The following RGS22 variants were observed in gnomAD, a reference collection of about 807,000 sequenced individuals.
RGS22 encodes the protein regulator of G protein signaling 22, also known as regulator of G-protein signaling 22.
In RGS22, 148 loss-of-function variants were observed where a neutral mutation model predicts 172.9. The ratio of observed to expected loss-of-function variants is 0.86; its 90% confidence interval spans 0.75 to 0.98. The LOEUF (loss-of-function observed/expected upper bound fraction) is 0.98. Ranked by LOEUF, RGS22 falls within the 50% of genes least tolerant of loss-of-function variation. The probability of loss-of-function intolerance (pLI) is 0.00; values close to 1 mark genes in which losing one functional copy is unlikely to be tolerated. For missense variants in RGS22, 1,347 were observed against 1,440.8 expected (o/e 0.93, Z 1.05); for synonymous variants, 458 against 480.2 (o/e 0.95, Z 0.60).
chr8:99,962,885 C>T lies in RGS22; in HGVS notation c.3709G>A (p.Gly1237Ser), dbSNP rs768733615. 1 of 1,593,514 alleles carries T rather than the reference C, an allele frequency of 6.3e-7. No homozygotes were observed. The highest frequency in any genetic ancestry group is 8.5e-7 in the Non-Finnish European group (1 of 1,175,102). The change falls in exon 25 of 28, where the codon GGC becomes AGC. Residue 1237 changes from glycine (G) to serine (S), a missense_variant and splice_region_variant. Transcript: ENST00000360863. ...QEELEKKLFA[G>S]LQPLTNFKAS... ...CTTGTAGGCAGAAGGCAAAAATTAC[C>T]TGCAAACAACTTTTTTTCTAGTTCT...
chr8:100,053,050 T>C, intron 9 of RGS22, 74 bp from the exon 10 acceptor site: 2 of 1,317,512 alleles, frequency 1.5e-6, no homozygotes, highest in East Asian at 2.3e-5. Flanking sequence ...ACAAAATACA[T>C]AATAGCTGTG....
chr8:100,051,423 CATTTATAT>C (rs1821274896), intron 10 of RGS22, among the ~76,000 whole-genome samples: 1 of 109,888 alleles, frequency 9.1e-6, no homozygotes, highest in Admixed American at 1.2e-4. Context: ...TATATATATA[CATTTATAT>C]ATTTATATAT....
At chr8:100,025,881 T>C (rs1032081641) in intron 14 of RGS22, among the ~76,000 whole-genome samples, 1 of 152,214 alleles carries the variant, frequency 6.6e-6, no homozygotes, top group Non-Finnish European at 1.5e-5. Context: ...AACTGGTTTT[T>C]TCTCTCTCAA....
chr8:100,042,087 A>C, intron 11 of RGS22, 171 bp from the exon 12 acceptor site: 1 of 489,566 alleles, frequency 2.0e-6, no homozygotes, highest in Non-Finnish European at 3.7e-6. Flanking sequence ...GGTGGTTCAG[A>C]AAATGAGTCA....
chr8:100,058,715 C>T (rs912138585), intron 9 of RGS22, among the ~76,000 whole-genome samples: 3 of 152,090 alleles, frequency 2.0e-5, no homozygotes, highest in African/African-American at 7.2e-5. Context: ...GGGATTTCAT[C>T]AACACAAGAC....
intron 4 of RGS22, among the ~76,000 whole-genome samples, chr8:100,076,240 T>TC (rs1275428800): frequency 9.9e-5 from 15 of 152,216 alleles, no homozygotes; most frequent in Non-Finnish European, 2.2e-4. Context: ...TATCTTTTTT[T>TC]CCTTGTGCAT....
chr8:100,001,526 G>A (rs750576084), intron 18 of RGS22, among the ~76,000 whole-genome samples: 4 of 151,890 alleles, frequency 2.6e-5, no homozygotes, highest in Admixed American at 6.6e-5. Flanking sequence ...AAGCCACCAC[G>A]CCCAGCCCAA....
chr8:99,961,920 T>G (rs1210111973), intron 27 of RGS22, among the ~76,000 whole-genome samples: 1 of 152,184 alleles, frequency 6.6e-6, no homozygotes, highest in Non-Finnish European at 1.5e-5. Flanking sequence ...ACTGGGTTCT[T>G]CAAGTATTAG....
chr8:100,020,260 C>T (rs1266299537), intron 14 of RGS22, among the ~76,000 whole-genome samples: 1 of 152,110 alleles, frequency 6.6e-6, no homozygotes, highest in East Asian at 1.9e-4. Flanking sequence ...TAGCAAAGAC[C>T]TAGCCAGCCG....
intron 1 of RGS22, chr8:100,105,678 C>T (rs952087258): frequency 3.5e-6 from 2 of 569,534 alleles, no homozygotes; most frequent in Non-Finnish European, 6.2e-6. Context: ...ATTCTACGTA[C>T]AATATGCAGA....
chr8:100,003,121 T>C, intron 17 of RGS22: 1 of 224,024 alleles, frequency 4.5e-6, no homozygotes, highest in Non-Finnish European at 9.3e-6. Context: ...CTATAGTCAA[T>C]AATAACTTAA....
At chr8:100,021,316 G>C (rs1817580451) in intron 14 of RGS22, among the ~76,000 whole-genome samples, 2 of 152,110 alleles carry the variant, frequency 1.3e-5, no homozygotes, top group Admixed American at 6.6e-5. Flanking sequence ...AACCAGAAGA[G>C]GAGGGTCAAC....
Position 99,961,644 on chromosome 8 carries a change from C to T in RGS22, c.*46-448G>A, listed in dbSNP as rs1379904411. ...AATCTTGGGTATTTCTTCATAGGAG[C>T]ATGAGAACGGACTAATACAGTTGTC... On this transcript the variant is annotated intron_variant, in intron 27 of 27. Coordinates refer to ENST00000360863, the MANE Select transcript of RGS22 (RefSeq NM_015668.5). Among the ~76,000 whole-genome samples the T allele has an allele frequency of 2.6e-5, 4 of 152,196 alleles. No individual in the cohort carries two copies. The South Asian group carries it at 8.3e-4, about 32-fold the overall frequency.
At chr8:100,061,387 A>T (rs1047119469) in intron 9 of RGS22, among the ~76,000 whole-genome samples, 3 of 152,242 alleles carry the variant, frequency 2.0e-5, no homozygotes, top group African/African-American at 7.2e-5. Flanking sequence ...ATGGAATGGG[A>T]GAAAATTTTT....
At chr8:100,058,182 A>AC (rs1412517439) in intron 9 of RGS22, among the ~76,000 whole-genome samples, 697 of 41,024 alleles carry the variant, frequency 0.017, 3 homozygotes, top group Non-Finnish European at 0.03. Context: ...AAAAAAAAAA[A>AC]AAAACAACAA....
At chr8:99,970,406 G>A (rs1461179437) in intron 23 of RGS22, among the ~76,000 whole-genome samples, 1 of 152,086 alleles carries the variant, frequency 6.6e-6, no homozygotes, top group African/African-American at 2.4e-5. Context: ...AGGAGATACA[G>A]ACATGAAAAA....
intron 9 of RGS22, among the ~76,000 whole-genome samples, 191 bp downstream of exon 9, chr8:100,062,400 A>G (rs2446926): frequency 0.5 from 76,130 of 151,880 alleles, 19,954 homozygotes; most frequent in Admixed American, 0.59. Flanking sequence ...ATACTGTCCC[A>G]CCTTATTATG....
At chr8:100,104,065 C>T (rs1400977853) in intron 2 of RGS22, among the ~76,000 whole-genome samples, 1 of 152,184 alleles carries the variant, frequency 6.6e-6, no homozygotes, top group Non-Finnish European at 1.5e-5. Flanking sequence ...GGCCTGTAAT[C>T]CCAGCACTTT....
intron 14 of RGS22, among the ~76,000 whole-genome samples, chr8:100,023,321 T>G (rs535677764): frequency 1.5e-4 from 23 of 152,320 alleles, no homozygotes; most frequent in African/African-American, 5.3e-4. Flanking sequence ...GCAGACAGCT[T>G]AGGACAGTAC....
Sources: gnomAD v4.1 joint callset for allele counts (sites outside exome capture counted in the v4.1 genomes callset) on GRCh38, gnomAD v4.1.1 for gene constraint, MANE v1.5 for transcripts, NCBI Gene and HGNC (gene_info 2026-07-23, HGNC 2026-07-21) for gene names.